The following AP3B1 variants were observed in gnomAD, a reference collection of about 807,000 sequenced individuals.
AP3B1 encodes the protein AP-3 complex subunit beta-1.
Under a neutral mutation model 132.5 loss-of-function variants are expected in AP3B1, and 61 were observed. The ratio of observed to expected loss-of-function variants is 0.46; its 90% CI spans 0.37 to 0.57. The LOEUF (loss-of-function observed/expected upper bound fraction) is 0.57, where lower values mean the gene tolerates loss of function less well. Among genes scored for constraint, AP3B1 ranks in the 20% least tolerant of loss-of-function variants. The probability of loss-of-function intolerance (pLI) is 0.00; values close to 1 mark genes in which losing one functional copy is unlikely to be tolerated. For synonymous variants in AP3B1, 388 were observed against 438.3 expected (o/e 0.89, Z 1.43); for missense variants, 1,120 against 1,289.4 (o/e 0.87, Z 2.01).
At chr5:78,228,880 C>T (rs938149143) in intron 3 of AP3B1, among the ~76,000 whole-genome samples, 9 of 152,194 alleles carry the variant, frequency 5.9e-5, no homozygotes, top group Admixed American at 1.3e-4. Context: ...ACCAATTTAA[C>T]GTAATAAAAA....
chr5:78,034,333 T>TATCCTTTACAGTTTAAAAAAAAA (rs1554059183), intron 24 of AP3B1, 28 bp downstream of exon 24: 1 of 1,561,568 alleles, frequency 6.4e-7, no homozygotes, highest in Non-Finnish European at 8.8e-7. Flanking sequence ...ACAGGTTATA[T>TATCCTTTACAGTTTAAAAAAAAA]AAAAAATAGA....
rs533599435 is a variant in AP3B1 at position 78,183,930 on chromosome 5, G to A, written c.787-2268C>T. ...CACGCCTGTAATCCCAGCATTTTGGGAAGCCGAGGTGGGTGGATCACGAGA... is the reference window on the plus strand; with the variant it reads ...CACGCCTGTAATCCCAGCATTTTGGAAAGCCGAGGTGGGTGGATCACGAGA... On this transcript the variant is annotated intron_variant, in intron 7 of 26. Coordinates refer to ENST00000255194, the MANE Select transcript of AP3B1 (RefSeq NM_003664.5). Among the ~76,000 whole-genome samples the A allele has an allele frequency of 1.0e-3, 156 of 150,976 alleles. 1 individual carries two copies. The highest frequency in any genetic ancestry group is 2.9e-3 in the African/African-American group (119 of 41,062).
chr5:78,034,330 A>G, intron 24 of AP3B1, 31 bp downstream of exon 24: 1 of 1,524,940 alleles, frequency 6.6e-7, no homozygotes, highest in Non-Finnish European at 9.1e-7. Flanking sequence ...TTTACAGGTT[A>G]TATAAAAAAT....
In AP3B1 at chr5:78,230,208, A is replaced by G. The variant is rs866044598; in HGVS notation, c.280-1969T>C. Among the ~76,000 whole-genome samples, 32 of 152,364 alleles carry G rather than the reference A, an allele frequency of 2.1e-4. 1 individual carries two copies. Among genetic ancestry groups the G allele is most frequent in the African/African-American group, 7.2e-4 (30 of 41,578 alleles). Reference sequence around the variant, plus strand: ...TTAAAATTATTTTAAATGAAAGGCAAAATCTTCCATTTATCTACAGAAATT... The same window carrying G: ...TTAAAATTATTTTAAATGAAAGGCAGAATCTTCCATTTATCTACAGAAATT... On this transcript the variant is annotated intron_variant, in intron 3 of 26. Transcript: ENST00000255194.
chr5:78,211,694 G>C (rs184400938), intron 7 of AP3B1, among the ~76,000 whole-genome samples: 57 of 152,286 alleles, frequency 3.7e-4, no homozygotes, highest in African/African-American at 1.3e-3. Context: ...TTGCATGTCT[G>C]AGCACTATGG....
chr5:78,003,399 T>A (rs1438399690), intron 26 of AP3B1: 1 of 405,420 alleles, frequency 2.5e-6, no homozygotes, highest in Non-Finnish European at 3.3e-6. Flanking sequence ...TCACCATGCA[T>A]AGGGACATTT....
At chr5:78,103,562 C>A (rs1022583829) in intron 20 of AP3B1, among the ~76,000 whole-genome samples, 1 of 152,132 alleles carries the variant, frequency 6.6e-6, no homozygotes, top group Non-Finnish European at 1.5e-5. Flanking sequence ...GAGAAGAGAT[C>A]AGGCAGAAAG....
At chr5:78,161,339 T>C (rs1185518589) in intron 13 of AP3B1, among the ~76,000 whole-genome samples, 1 of 151,988 alleles carries the variant, frequency 6.6e-6, no homozygotes, top group Non-Finnish European at 1.5e-5. Context: ...AATGAACTAA[T>C]CAGTGTTCTA....
At chr5:78,227,079 G>C (rs1218294110) in intron 5 of AP3B1, among the ~76,000 whole-genome samples, 1 of 152,096 alleles carries the variant, frequency 6.6e-6, no homozygotes, top group Non-Finnish European at 1.5e-5. Flanking sequence ...ACATGAGATA[G>C]ACTATATAAA....
rs553270794 is a variant in AP3B1 at position 78,281,268 on chromosome 5, C to G, written c.128+13184G>C. On this transcript the variant is annotated intron_variant, in intron 1 of 26. Coordinates refer to ENST00000255194, the MANE Select transcript of AP3B1 (RefSeq NM_003664.5). Reference sequence around the variant, plus strand: ...TGACCAACATGGCAAAACCCTATCTCTACTAAAAGCACAAAATTAGCCGGG... The same window carrying G: ...TGACCAACATGGCAAAACCCTATCTGTACTAAAAGCACAAAATTAGCCGGG... Among the ~76,000 whole-genome samples, 3 of 152,096 alleles carry G rather than the reference C, an allele frequency of 2.0e-5. No homozygotes were observed. The East Asian group carries it at 5.8e-4, about 29-fold the overall frequency.
intron 14 of AP3B1, among the ~76,000 whole-genome samples, chr5:78,151,625 TC>T (rs1753653597): frequency 3.9e-5 from 6 of 152,184 alleles, no homozygotes; most frequent in Admixed American, 3.9e-4. Context: ...ATGTTTTTTG[TC>T]CCTCATTCTG....
intron 14 of AP3B1, among the ~76,000 whole-genome samples, chr5:78,149,184 C>T (rs961808606): frequency 4.6e-5 from 7 of 151,910 alleles, no homozygotes; most frequent in South Asian, 2.1e-4. Context: ...GAAAAAGGAC[C>T]GGTGACAATT....
chr5:78,024,416 T>C (rs1561359425), intron 24 of AP3B1, among the ~76,000 whole-genome samples: 1 of 152,008 alleles, frequency 6.6e-6, no homozygotes, highest in Non-Finnish European at 1.5e-5. Flanking sequence ...GGAGACAGGG[T>C]CTCAGCTCTG....
chr5:78,281,867 A>C (rs1465662894), intron 1 of AP3B1, among the ~76,000 whole-genome samples: 2 of 152,200 alleles, frequency 1.3e-5, no homozygotes, highest in East Asian at 1.9e-4. Context: ...TGAACTGCAC[A>C]CTTAACAATG....
At chr5:78,289,114 T>C (rs930836893) in intron 1 of AP3B1, among the ~76,000 whole-genome samples, 1 of 152,158 alleles carries the variant, frequency 6.6e-6, no homozygotes, top group Non-Finnish European at 1.5e-5. Flanking sequence ...TTTAAGAAAG[T>C]ATATTCAATA....
chr5:78,032,675 T>C (rs977039685), intron 24 of AP3B1, among the ~76,000 whole-genome samples: 2 of 151,898 alleles, frequency 1.3e-5, no homozygotes, highest in African/African-American at 4.8e-5. Flanking sequence ...GACAAAGTGC[T>C]CTTTTTGGAA....
At chr5:78,020,895 A>C (rs1747063679) in intron 24 of AP3B1, 106 bp from the exon 25 acceptor site, 2 of 918,316 alleles carry the variant, frequency 2.2e-6, no homozygotes, top group Non-Finnish European at 3.4e-6. Context: ...TATACAGTAT[A>C]AGACCTTTTT....
intron 24 of AP3B1, among the ~76,000 whole-genome samples, chr5:78,031,905 T>C (rs1459052064): frequency 6.6e-6 from 1 of 152,214 alleles, no homozygotes. Flanking sequence ...CTCAGTTCTC[T>C]AACTAGCACT....
At chr5:78,155,454 T>C (rs1335774894) in intron 14 of AP3B1, among the ~76,000 whole-genome samples, 1 of 152,202 alleles carries the variant, frequency 6.6e-6, no homozygotes, top group Non-Finnish European at 1.5e-5. Context: ...GTGTAATTAG[T>C]TGCTAAAATT....
Sources: allele counts gnomAD v4.1 joint callset (sites outside exome capture counted in the v4.1 genomes callset), GRCh38; gene constraint gnomAD v4.1.1; transcripts MANE v1.5; gene names NCBI Gene and HGNC (gene_info 2026-07-23, HGNC 2026-07-21).